The following CDH4 variants were observed in gnomAD, a reference collection of about 807,000 sequenced individuals.
The protein encoded by CDH4 is cadherin 4.
Under a neutral mutation model 86.0 loss-of-function variants are expected in CDH4, and 33 were observed. That is an observed-to-expected ratio of 0.38 (90% CI 0.29 to 0.51). The LOEUF (loss-of-function observed/expected upper bound fraction) is 0.51. Ranked by LOEUF, CDH4 falls within the 20% of genes least tolerant of loss-of-function variation. CDH4 has a pLI of 0.86. For synonymous variants in CDH4, 555 were observed against 549.4 expected, an observed-to-expected ratio of 1.01 and a Z score of -0.14; for missense variants, 1,114 against 1,307.4, an observed-to-expected ratio of 0.85 and a Z score of 2.28.
chr20:61,788,501 G>T (rs1979002590), intron 4 of CDH4, among the ~76,000 whole-genome samples: 1 of 152,204 alleles, frequency 6.6e-6, no homozygotes, highest in African/African-American at 2.4e-5. Context: ...GGCACCCAGA[G>T]GTGGGGTCAG....
chr20:61,272,644 C>T (rs1466831672), intron 2 of CDH4, among the ~76,000 whole-genome samples: 1 of 152,112 alleles, frequency 6.6e-6, no homozygotes, highest in African/African-American at 2.4e-5. Flanking sequence ...TTAGGGGATA[C>T]CATGGGCAGT....
chr20:61,774,695 G>A (rs2088817267), intron 4 of CDH4, among the ~76,000 whole-genome samples: 3 of 151,750 alleles, frequency 2.0e-5, no homozygotes, highest in Admixed American at 2.0e-4. Context: ...CCTCCCACAG[G>A]CCCCAGTGTG....
chr20:61,904,067 G>A (rs2054759995), intron 8 of CDH4, among the ~76,000 whole-genome samples: 1 of 152,236 alleles, frequency 6.6e-6, no homozygotes, highest in African/African-American at 2.4e-5. Flanking sequence ...CCCCAAGCCG[G>A]CGTCCTGTGG....
chr20:61,784,587 G>C (rs73611573), intron 4 of CDH4, among the ~76,000 whole-genome samples: 1 of 34,324 alleles, frequency 2.9e-5, no homozygotes, highest in African/African-American at 1.5e-4. Flanking sequence ...AGTTCCTCGG[G>C]ACAGTTCTCC....
At chr20:61,652,938 ATTTTTTTT>A (rs763918382) in intron 2 of CDH4, among the ~76,000 whole-genome samples, 2 of 97,440 alleles carry the variant, frequency 2.1e-5, no homozygotes, top group African/African-American at 6.7e-5. Context: ...TTATTTATTT[ATTTTTTTT>A]TTTTTTTTTA....
intron 2 of CDH4, among the ~76,000 whole-genome samples, chr20:61,465,043 C>G (rs2085464944): frequency 6.6e-6 from 1 of 152,178 alleles, no homozygotes; most frequent in African/African-American, 2.4e-5. Context: ...GTGTGCAGGT[C>G]TTATATGCCT....
At chr20:61,426,172 G>T (rs1422608026) in intron 2 of CDH4, among the ~76,000 whole-genome samples, 1 of 152,206 alleles carries the variant, frequency 6.6e-6, no homozygotes. Context: ...TTCAATGGGG[G>T]TTTCTAGTTG....
intron 2 of CDH4, among the ~76,000 whole-genome samples, chr20:61,665,995 T>C (rs561819297): frequency 4.6e-5 from 7 of 152,290 alleles, no homozygotes; most frequent in African/African-American, 1.4e-4. Context: ...GGTGGGAGAA[T>C]GGCTGGGGAC....
At chr20:61,540,040 T>C (rs2086028304) in intron 2 of CDH4, among the ~76,000 whole-genome samples, 2 of 152,064 alleles carry the variant, frequency 1.3e-5, no homozygotes. Flanking sequence ...TCGATCCGAT[T>C]GGTTGGTGGT....
intron 3 of CDH4, among the ~76,000 whole-genome samples, chr20:61,751,887 C>A (rs1317137594): frequency 2.6e-5 from 4 of 152,186 alleles, no homozygotes; most frequent in Admixed American, 6.5e-5. Context: ...ACACCACAAC[C>A]AAAATCCATT....
At chr20:61,705,974 G>T (rs933399476) in intron 2 of CDH4, among the ~76,000 whole-genome samples, 12 of 152,168 alleles carry the variant, frequency 7.9e-5, no homozygotes, top group Non-Finnish European at 1.2e-4. Context: ...TCTTAAAGGC[G>T]CCTGTGGATT....
chr20:61,698,302 G>A (rs1335757856), intron 2 of CDH4, among the ~76,000 whole-genome samples: 1 of 152,268 alleles, frequency 6.6e-6, no homozygotes, highest in African/African-American at 2.4e-5. Flanking sequence ...CGTCCTGCTG[G>A]TGCGATTGAG....
At chr20:61,800,641 A>C (rs1979780196) in intron 4 of CDH4, among the ~76,000 whole-genome samples, 2 of 152,210 alleles carry the variant, frequency 1.3e-5, no homozygotes, top group Admixed American at 1.3e-4. Flanking sequence ...TTAGGACCTG[A>C]CAACCTTAAG....
At chr20:61,302,068 T>C (rs987315511) in intron 2 of CDH4, among the ~76,000 whole-genome samples, 4 of 152,218 alleles carry the variant, frequency 2.6e-5, no homozygotes, top group Admixed American at 6.5e-5. Flanking sequence ...AAAAGCAGAT[T>C]GTTTTAATTT....
At chr20:61,781,445 A>G (rs992091587) in intron 4 of CDH4, among the ~76,000 whole-genome samples, 6 of 152,236 alleles carry the variant, frequency 3.9e-5, no homozygotes, top group Non-Finnish European at 5.9e-5. Flanking sequence ...GATACTCTAA[A>G]AATATAACCA....
rs958288882 is a variant in CDH4 at position 61,565,143 on chromosome 20, G to A, written c.170-178420G>A. On this transcript the variant is annotated intron_variant, in intron 2 of 15. Transcript: ENST00000614565. The stretch of plus-strand genomic sequence containing the variant: ...GCTCTTGGTGGTGCTGGTCCTCTTG[G>A]TGTTGGTAGTGGTCCTCTTGGTGAT... Among the ~76,000 whole-genome samples, 8 of 128,732 alleles carry A rather than the reference G, an allele frequency of 6.2e-5. No individual in the cohort carries two copies. The East Asian group carries it at 6.8e-4, about 11-fold the overall frequency. The allele number at this position is 128,732 out of a possible 152,430, so 84.5% of individuals were successfully genotyped here.
At chr20:61,719,073 GC>G (rs2058923997) in intron 2 of CDH4, 1 of 471,144 alleles carries the variant, frequency 2.1e-6, no homozygotes, top group African/African-American at 2.0e-5. Flanking sequence ...AATAGGAAGT[GC>G]TGGCGAAAGC....
chr20:61,760,444 G>C (rs1487784121), intron 3 of CDH4, among the ~76,000 whole-genome samples: 1 of 152,184 alleles, frequency 6.6e-6, no homozygotes, highest in Non-Finnish European at 1.5e-5. Flanking sequence ...CCTGTGAGAG[G>C]AGGAACGGTG....
intron 4 of CDH4, among the ~76,000 whole-genome samples, chr20:61,798,446 G>C (rs1403982852): frequency 6.6e-6 from 1 of 152,328 alleles, no homozygotes. Context: ...CAGGCCTTGT[G>C]GGGTGTGGTC....
Sources: gnomAD v4.1 joint callset for allele counts (sites outside exome capture counted in the v4.1 genomes callset) on GRCh38, gnomAD v4.1.1 for gene constraint, MANE v1.5 for transcripts, NCBI Gene and HGNC (gene_info 2026-07-23, HGNC 2026-07-21) for gene names.